NOL4L: variants seen among roughly 807,000 people sequenced by gnomAD.
NOL4L encodes nucleolar protein 4-like.
NOL4L carries 7 observed loss-of-function variants against 64.5 expected under a neutral mutation model. The observed-to-expected ratio is 0.11, with a 90% CI of 0.06 to 0.20. The LOEUF (loss-of-function observed/expected upper bound fraction) is 0.20. Among genes scored for constraint, NOL4L ranks in the 10% least tolerant of loss-of-function variants. NOL4L has a pLI of 1.00. For missense variants in NOL4L, 680 were observed against 967.1 expected (o/e 0.70, Z 3.94); for synonymous variants, 413 against 401.0 (o/e 1.03, Z -0.36).
chr20:32,489,576 T>C (rs1172138447), intron 4 of NOL4L, among the ~76,000 whole-genome samples: 2 of 152,230 alleles, frequency 1.3e-5, no homozygotes, highest in Non-Finnish European at 2.9e-5. Context: ...TGTCATCTTA[T>C]ACTAATTTTC....
chr20:32,578,761 C>T (rs1980288814), intron 1 of NOL4L, among the ~76,000 whole-genome samples: 1 of 152,370 alleles, frequency 6.6e-6, no homozygotes, highest in East Asian at 1.9e-4. Context: ...AGGCAGGCTA[C>T]TTGCCCGTGG....
intron 4 of NOL4L, among the ~76,000 whole-genome samples, chr20:32,482,105 T>G (rs296441): frequency 2.0e-5 from 3 of 151,988 alleles, no homozygotes; most frequent in Non-Finnish European, 4.4e-5. Flanking sequence ...TCAGGTGAAA[T>G]CAGGAGGTTA....
chr20:32,490,755 T>A (rs2016434025), intron 4 of NOL4L, among the ~76,000 whole-genome samples: 1 of 152,242 alleles, frequency 6.6e-6, no homozygotes, highest in South Asian at 2.1e-4. Flanking sequence ...AATTTCATTA[T>A]TCTCCTTTTC....
intron 1 of NOL4L, among the ~76,000 whole-genome samples, chr20:32,563,444 G>C (rs1979221494): frequency 6.6e-6 from 1 of 151,960 alleles, no homozygotes; most frequent in South Asian, 2.1e-4. Context: ...AAGGAGATTA[G>C]GGTTGGAGAG....
chr20:32,518,954 G>A (rs1429203679), intron 3 of NOL4L, among the ~76,000 whole-genome samples: 2 of 152,172 alleles, frequency 1.3e-5, no homozygotes, highest in Non-Finnish European at 2.9e-5. Context: ...AACAGGAACC[G>A]CAACAGCCAC....
Position 32,463,985 on chromosome 20 carries a change from G to A in NOL4L, c.842-7590C>T, listed in dbSNP as rs141025804. 9.8e-3 allele frequency among the ~76,000 whole-genome samples: 1,485 copies of A among 152,166 alleles called. 12 individuals are homozygous for A. The highest frequency in any genetic ancestry group is 0.014 in the Non-Finnish European group (918 of 67,990). ...AGGTGTGGCTGCTGGAGGCAGTGCC[G>A]CCTCCATGAGACTCTGTCACAGCAG... On this transcript the variant is annotated intron_variant, in intron 5 of 10. Transcript: ENST00000621426. This position sits in a 1 kb window ranked among gnomAD's most constrained non-coding sequence, Gnocchi z 5.8.
intron 5 of NOL4L, among the ~76,000 whole-genome samples, chr20:32,467,660 C>T (rs2145465823): frequency 6.6e-6 from 1 of 152,336 alleles, no homozygotes; most frequent in Non-Finnish European, 1.5e-5. Flanking sequence ...CAGTCCCAGC[C>T]TGGCCCCCAA....
At chr20:32,550,371 C>A (rs963820423) in intron 1 of NOL4L, among the ~76,000 whole-genome samples, 1 of 152,196 alleles carries the variant, frequency 6.6e-6, no homozygotes, top group Non-Finnish European at 1.5e-5. Flanking sequence ...CTCGGCCTCC[C>A]GAGTAGCTGG....
intron 2 of NOL4L, among the ~76,000 whole-genome samples, chr20:32,525,324 G>A (rs1486873788): frequency 6.6e-6 from 1 of 152,228 alleles, no homozygotes; most frequent in Admixed American, 6.5e-5. Context: ...CATCCGCCTG[G>A]ACAACAGCAA....
At chr20:32,488,291 G>A (rs2016181754) in intron 4 of NOL4L, among the ~76,000 whole-genome samples, 2 of 152,186 alleles carry the variant, frequency 1.3e-5, no homozygotes, top group South Asian at 4.1e-4. Flanking sequence ...GATGGCCCAT[G>A]ATGACCCTCA....
chr20:32,576,500 G>T (rs774904143), intron 1 of NOL4L, among the ~76,000 whole-genome samples: 7 of 152,176 alleles, frequency 4.6e-5, no homozygotes, highest in Non-Finnish European at 7.3e-5. Context: ...ATAAATGAAT[G>T]ACCTGGGCTT....
intron 4 of NOL4L, among the ~76,000 whole-genome samples, chr20:32,484,145 CG>C (rs1199547255): frequency 6.6e-6 from 1 of 152,104 alleles, no homozygotes; most frequent in Non-Finnish European, 1.5e-5. Flanking sequence ...TCTCGGCGCC[CG>C]GGGCCCCTTC....
intron 1 of NOL4L, chr20:32,532,467 T>C (rs1470842754): frequency 1.6e-6 from 1 of 644,096 alleles, no homozygotes. Context: ...GCCGCAGACA[T>C]CTCTGCTATC....
chr20:32,551,143 A>G (rs970201019), intron 1 of NOL4L, among the ~76,000 whole-genome samples: 5 of 152,118 alleles, frequency 3.3e-5, no homozygotes, highest in Non-Finnish European at 7.4e-5. Flanking sequence ...TGGGAGGCCA[A>G]GGTAGGTGGA....
At chr20:32,578,699 T>C (rs371767234) in intron 1 of NOL4L, among the ~76,000 whole-genome samples, 3 of 152,016 alleles carry the variant, frequency 2.0e-5, no homozygotes, top group Non-Finnish European at 2.9e-5. Flanking sequence ...TGCCAAGAAG[T>C]GGAGTTTTAG....
chr20:32,456,789 C>T lies in NOL4L; in HGVS notation c.842-394G>A, dbSNP rs529756597. On this transcript the variant is annotated intron_variant, in intron 5 of 10. Coordinates refer to ENST00000621426, the MANE Select transcript of NOL4L (RefSeq NM_001256798.2). ...CTCCCTTCTCCCCAGCTCCCAGGAC[C>T]GCACCTCCCACCCACCCTGCTCCTG... is the stretch of plus-strand genomic sequence containing the variant. Among the ~76,000 whole-genome samples the T allele has an allele frequency of 1.1e-3, 171 of 152,342 alleles. 1 individual carries two copies. The highest frequency in any genetic ancestry group is 2.4e-3 in the Admixed American group (37 of 15,298).
intron 3 of NOL4L, among the ~76,000 whole-genome samples, chr20:32,517,795 C>T (rs536276306): frequency 1.3e-5 from 2 of 152,200 alleles, no homozygotes; most frequent in African/African-American, 4.8e-5. Flanking sequence ...GCACCCGCTG[C>T]GTCCCAGGTG....
At chr20:32,581,746 C>T (rs80013029) in intron 1 of NOL4L, among the ~76,000 whole-genome samples, 4 of 152,302 alleles carry the variant, frequency 2.6e-5, no homozygotes, top group East Asian at 1.9e-4. Context: ...CCCACCCACC[C>T]GAGCACCCCA....
At chr20:32,450,068 G>C (rs2012726104) in intron 10 of NOL4L, 1 of 151,608 alleles carries the variant, frequency 6.6e-6, no homozygotes. Flanking sequence ...AGATGCTCAG[G>C]TTGCCGAGGG....
Sources: gnomAD v4.1 joint callset for allele counts (sites outside exome capture counted in the v4.1 genomes callset) on GRCh38, gnomAD v4.1.1 for gene constraint, Gnocchi (gnomAD v3.1) non-coding constraint, MANE v1.5 for transcripts, NCBI Gene and HGNC (gene_info 2026-07-23, HGNC 2026-07-21) for gene names.